The following VTI1A variants were observed in gnomAD, a reference collection of about 807,000 sequenced individuals.
VTI1A encodes vesicle transport through interaction with t-SNAREs 1A, also known as vesicle transport through interaction with t-SNAREs homolog 1A.
In VTI1A, 22 loss-of-function variants were observed where a neutral mutation model predicts 34.9. That is an observed-to-expected ratio of 0.63 (90% CI 0.45 to 0.90). VTI1A has a LOEUF of 0.90. VTI1A is among the 40% of genes least tolerant of loss of function. VTI1A has a pLI of 0.00. For missense variants in VTI1A, 268 were observed against 275.6 expected (o/e 0.97, Z 0.20); for synonymous variants, 87 against 97.3 (o/e 0.89, Z 0.62).
Position 112,712,011 on chromosome 10 carries a change from T to C in VTI1A, c.560+43013T>C, listed in dbSNP as rs1421664145. On this transcript the variant is annotated intron_variant, in intron 7 of 7. Coordinates refer to ENST00000393077, the MANE Select transcript of VTI1A (RefSeq NM_145206.4). The stretch of plus-strand genomic sequence containing the variant: ...ATAAGCAGTGCTTGATGACTCTTCA[T>C]GGCTGCCCAGTAAAAGGAGCCTCAG... Among the ~76,000 whole-genome samples, 3 of 152,358 alleles carry C rather than the reference T, an allele frequency of 2.0e-5. No homozygotes were observed. The East Asian group carries it at 5.8e-4, about 29-fold the overall frequency.
downstream of VTI1A, among the ~76,000 whole-genome samples, chr10:112,821,095 TGAA>T (rs1171619958): frequency 6.6e-6 from 1 of 152,156 alleles, no homozygotes; most frequent in African/African-American, 2.4e-5. Context: ...TCGTGCTACA[TGAA>T]GAACTCAGAC....
intron 7 of VTI1A, among the ~76,000 whole-genome samples, chr10:112,786,341 T>A (rs80195702): frequency 0.034 from 5,105 of 152,306 alleles, 119 homozygotes; most frequent in Non-Finnish European, 0.045. Flanking sequence ...ATTTTGTCGA[T>A]CTCTTAGGAT....
At chr10:112,609,943 C>T (rs115612562) in intron 5 of VTI1A, among the ~76,000 whole-genome samples, 22 of 151,962 alleles carry the variant, frequency 1.4e-4, no homozygotes, top group African/African-American at 5.3e-4. Context: ...GTCTTATTAT[C>T]ACAAAATAAT....
At chr10:112,606,315 G>A (rs1304555167) in intron 5 of VTI1A, among the ~76,000 whole-genome samples, 6 of 151,986 alleles carry the variant, frequency 3.9e-5, no homozygotes, top group African/African-American at 9.7e-5. Context: ...GTGAGCCACC[G>A]CGCCCGGCCA....
chr10:112,614,071 A>G (rs1845421760), intron 5 of VTI1A, among the ~76,000 whole-genome samples: 1 of 151,988 alleles, frequency 6.6e-6, no homozygotes, highest in South Asian at 2.1e-4. Context: ...TGGGTTTTAG[A>G]GGAAGTAATG....
chr10:112,668,639 G>C (rs1847733825), intron 6 of VTI1A, among the ~76,000 whole-genome samples: 1 of 152,006 alleles, frequency 6.6e-6, no homozygotes, highest in Non-Finnish European at 1.5e-5. Context: ...TTAGGACTTT[G>C]CACATTCATA....
chr10:112,807,009 A>G (rs887949838), intron 7 of VTI1A, among the ~76,000 whole-genome samples: 1 of 152,194 alleles, frequency 6.6e-6, no homozygotes, highest in Non-Finnish European at 1.5e-5. Context: ...CTGCTCATGA[A>G]TGGAATTCTT....
intron 3 of VTI1A, among the ~76,000 whole-genome samples, chr10:112,481,152 T>G (rs1589814671): frequency 6.6e-6 from 1 of 152,302 alleles, no homozygotes; most frequent in South Asian, 2.1e-4. Flanking sequence ...TATTTTTATT[T>G]TTCTCCTTGA....
At position 112,496,384 on chromosome 10, in the gene VTI1A, A is replaced by T. The variant is rs544159744; in HGVS notation, c.265-30703A>T. 2.4e-4 allele frequency among the ~76,000 whole-genome samples: 37 copies of T among 152,240 alleles called. No individual in the cohort carries two copies. In the South Asian group the frequency reaches 7.5e-3, roughly 31 times the overall value. ...CAGGAGTTCAAGACCAGCCTGGCCA[A>T]CATGGTGAAACTCTATCTCTACTAA... On this transcript the variant is annotated intron_variant, in intron 3 of 7. Transcript: ENST00000393077.
At chr10:112,809,675 A>C (rs1853216884) in intron 7 of VTI1A, among the ~76,000 whole-genome samples, 2 of 152,252 alleles carry the variant, frequency 1.3e-5, no homozygotes, top group African/African-American at 2.4e-5. Context: ...CCAGGAGAGC[A>C]ATAACCACGT....
chr10:112,793,650 A>G (rs1325470035), intron 7 of VTI1A, among the ~76,000 whole-genome samples: 1 of 152,218 alleles, frequency 6.6e-6, no homozygotes, highest in East Asian at 1.9e-4. Context: ...ACGCAATTAG[A>G]TACTTAAAAA....
At chr10:112,466,103 T>C (rs144294894) in intron 3 of VTI1A, among the ~76,000 whole-genome samples, 1 of 152,270 alleles carries the variant, frequency 6.6e-6, no homozygotes, top group East Asian at 1.9e-4. Flanking sequence ...AAGTCATGTG[T>C]TGGGTGATAA....
At chr10:112,780,273 AAAATAAATAAAT>A (rs143844379) in intron 7 of VTI1A, among the ~76,000 whole-genome samples, 2,628 of 138,254 alleles carry the variant, frequency 0.019, 31 homozygotes, top group South Asian at 0.023. Context: ...CCTGTCTCTA[AAAATAAATAAAT>A]AAATAAATAA....
intron 5 of VTI1A, among the ~76,000 whole-genome samples, chr10:112,565,666 A>G (rs184619279): frequency 2.0e-3 from 298 of 152,334 alleles, no homozygotes; most frequent in Middle Eastern, 3.4e-3. Flanking sequence ...TTGAGCCACT[A>G]GTTAAAGAAA....
chr10:112,656,147 C>A (rs1377652708), intron 5 of VTI1A, among the ~76,000 whole-genome samples: 3 of 152,146 alleles, frequency 2.0e-5, no homozygotes, highest in Admixed American at 6.5e-5. Flanking sequence ...GTCTTATCCC[C>A]TGTGCCAACC....
At chr10:112,451,337 T>C (rs967304293) in intron 1 of VTI1A, among the ~76,000 whole-genome samples, 2 of 152,218 alleles carry the variant, frequency 1.3e-5, no homozygotes, top group Admixed American at 6.5e-5. Context: ...CGTGATATAC[T>C]AGCCATTAAT....
At chr10:112,631,643 G>T (rs555081743) in intron 5 of VTI1A, among the ~76,000 whole-genome samples, 1 of 152,304 alleles carries the variant, frequency 6.6e-6, no homozygotes, top group South Asian at 2.1e-4. Flanking sequence ...TCTAGGCCTA[G>T]CTCTGCTATT....
At chr10:112,472,700 C>T (rs1280602080) in intron 3 of VTI1A, among the ~76,000 whole-genome samples, 2 of 151,982 alleles carry the variant, frequency 1.3e-5, no homozygotes, top group African/African-American at 4.8e-5. Flanking sequence ...TCTGTGGAAG[C>T]TATGGGAAAC....
At chr10:112,495,144 G>A (rs868374174) in intron 3 of VTI1A, among the ~76,000 whole-genome samples, 17 of 149,098 alleles carry the variant, frequency 1.1e-4, no homozygotes, top group South Asian at 2.1e-4. Flanking sequence ...GTCAATAATA[G>A]GAATCACATG....
Sources: allele counts gnomAD v4.1 joint callset (sites outside exome capture counted in the v4.1 genomes callset), GRCh38; gene constraint gnomAD v4.1.1; transcripts MANE v1.5; gene names NCBI Gene and HGNC (gene_info 2026-07-23, HGNC 2026-07-21).